Variants in TNK2 observed in about 807,000 individuals in gnomAD.
TNK2 encodes the protein activated CDC42 kinase 1.
TNK2 carries 83 observed loss-of-function variants against 101.8 expected under a neutral mutation model. The ratio of observed to expected loss-of-function variants is 0.82; its 90% CI spans 0.68 to 0.98. TNK2 has a LOEUF of 0.98. Ranked by LOEUF, TNK2 falls within the 50% of genes least tolerant of loss-of-function variation. The probability of loss-of-function intolerance (pLI) is 0.00; values close to 1 mark genes in which losing one functional copy is unlikely to be tolerated. For missense variants in TNK2, 1,665 were observed against 1,483.2 expected (o/e 1.12, Z -2.01); for synonymous variants, 804 against 633.0 (o/e 1.27, Z -4.06).
At position 195,888,489 on chromosome 3, in the gene TNK2, G is replaced by A. The variant is rs752593361; in HGVS notation, c.100C>T (p.Arg34Cys). Residue 34 changes from arginine to cysteine, a missense_variant, in exon 2 of 16, where the codon CGC becomes TGC. Transcript: ENST00000672887. This position sits in a 1 kb window ranked among gnomAD's most constrained non-coding sequence, Gnocchi z 5.3. ...TTGACGTACTCAAAGTGGGACAGGC[G>A]GGTGACGTTGAGGTCATCTCGGAGC... is the stretch of plus-strand genomic sequence containing the variant. Reference protein sequence around the residue: ...LRLRDDLNVTRLSHFEYVKNE... With the variant: ...LRLRDDLNVTCLSHFEYVKNE... 6 of 1,614,074 alleles carry A rather than the reference G, an allele frequency of 3.7e-6. No individual in the cohort carries two copies. Among genetic ancestry groups the A allele is most frequent in the South Asian group, 3.3e-5 (3 of 91,072 alleles).
intron 10 of TNK2, among the ~76,000 whole-genome samples, chr3:195,871,916 C>A (rs1300077690): frequency 6.6e-6 from 1 of 151,296 alleles, no homozygotes; most frequent in Non-Finnish European, 1.5e-5. Flanking sequence ...CCCCGGAGAA[C>A]CCTCCCCTGG....
rs755518184 is a variant in TNK2 at position 195,885,079 on chromosome 3, G to A, written c.235-46C>T. 2 of 1,525,486 alleles carry A rather than the reference G, an allele frequency of 1.3e-6. No individual in the cohort carries two copies. Among genetic ancestry groups the A allele is most frequent in the Middle Eastern group, 1.8e-4 (1 of 5,642 alleles). The allele number at this position is 1,525,486 out of a possible 1,614,324, so 94.5% of individuals were successfully genotyped here. A position where few individuals can be genotyped will look rare whatever the true frequency, so the allele number is the denominator to read the frequency against. ...GCCAGATGGAATCCAACACCCCAGG[G>A]TCAGTCACTCAGTCCCACCCCGCTG... On this transcript the variant is annotated intron_variant, in intron 3 of 15. Transcript: ENST00000672887. This position sits in a 1 kb window ranked among gnomAD's most constrained non-coding sequence, Gnocchi z 4.7.
Position 195,888,856 on chromosome 3 carries a change from G to T in TNK2, c.-18-250C>A, listed in dbSNP as rs1381398547. 6.6e-6 allele frequency among the ~76,000 whole-genome samples: 1 copy of T among 152,128 alleles called. No individual in the cohort carries two copies. The highest frequency in any genetic ancestry group is 1.5e-5 in the Non-Finnish European group (1 of 68,038). On this transcript the variant is annotated intron_variant, in intron 1 of 15. Coordinates refer to ENST00000672887, the MANE Select transcript of TNK2 (RefSeq NM_001382273.1). This position sits in a 1 kb window ranked among gnomAD's most constrained non-coding sequence, Gnocchi z 5.3. Reference sequence around the variant, plus strand: ...AGTCAGGAGTCAGGGTCTTGCTCCCGAAATGTGATCTGTGACTGAGTGACC... The same window carrying T: ...AGTCAGGAGTCAGGGTCTTGCTCCCTAAATGTGATCTGTGACTGAGTGACC...
At chr3:195,869,401 T>G (rs1576998929) in intron 12 of TNK2, 96 bp downstream of exon 12, 31 of 572,762 alleles carry the variant, frequency 5.4e-5, no homozygotes, top group East Asian at 9.9e-5. Flanking sequence ...CCACCTCCCC[T>G]CCGGCCCAGC....
Position 195,868,083 on chromosome 3 carries a change from A to G in TNK2, c.2215T>C (p.Ser739Pro), listed in dbSNP as rs1354098895. The change falls in exon 13 of 16, where the codon TCC (serine) becomes CCC (proline). Residue 739 changes from serine to proline, a missense_variant. Ser to Pro is a moderately conservative substitution (Grantham distance 74). Transcript: ENST00000672887. ...CCCGGGCTGGGAGAGGGGGCCGGGG[A>G]GCCGGCCGGAGCCTGCAGTTGCCTC... is the stretch of plus-strand genomic sequence containing the variant. ...CMRQLQAPAG[S>P]PAPSPSPGGD... 1 of 1,608,842 alleles carries G rather than the reference A, an allele frequency of 6.2e-7. No homozygotes were observed. The highest frequency in any genetic ancestry group is 8.5e-7 in the Non-Finnish European group (1 of 1,178,804).
intron 1 of TNK2, among the ~76,000 whole-genome samples, chr3:195,903,260 T>C (rs1350768355): frequency 3.5e-5 from 5 of 144,866 alleles, no homozygotes; most frequent in Non-Finnish European, 7.5e-5. Flanking sequence ...CAGGATGGTC[T>C]CAATCTCCTG....
chr3:195,901,997 C>A (rs900486441), intron 1 of TNK2, among the ~76,000 whole-genome samples: 3 of 152,222 alleles, frequency 2.0e-5, no homozygotes, highest in African/African-American at 7.2e-5. Context: ...CAGGAAAAAA[C>A]AGTAGATTCC....
In TNK2 at chr3:195,867,222, C is replaced by T; in HGVS notation, c.2980G>A (p.Ala994Thr). 6.2e-7 allele frequency: 1 copy of T among 1,613,038 alleles called. No individual in the cohort carries two copies. The change falls in exon 14 of 16, where the codon GCG (alanine) becomes ACG (threonine). Residue 994 changes from alanine to threonine, a missense_variant. By Grantham distance (58) the Ala-to-Thr change is moderately conservative. This residue lies in a region of TNK2 where 1,136 missense variants were observed against 894.9 expected (regional missense o/e 1.27). Transcript: ENST00000672887. ...VHGVTTEECQ[A>T]ALQCHGWSVQ... ...CTCCAGCCGTGGCACTGCAGGGCCGCCTGGCACTCCTCTGTGGTCACCCCA... is the reference window on the plus strand; with the variant it reads ...CTCCAGCCGTGGCACTGCAGGGCCGTCTGGCACTCCTCTGTGGTCACCCCA...
At chr3:195,869,709 G>A (rs1365826291) in intron 11 of TNK2, 168 bp from the exon 12 acceptor site, 8 of 708,938 alleles carry the variant, frequency 1.1e-5, no homozygotes, top group South Asian at 8.5e-5. Flanking sequence ...CAGGCGGCAG[G>A]ATGAGGAACA....
At chr3:195,868,770 G>A in intron 12 of TNK2, 61 bp from the exon 13 acceptor site, 23 of 1,473,772 alleles carry the variant, frequency 1.6e-5, no homozygotes, top group Non-Finnish European at 2.1e-5. Context: ...GACACGAGGG[G>A]AGGTGGCACG....
rs562028976 is a variant in TNK2, at chr3:195,901,290, G to A, written c.-19+7195C>T. ...GCTCATGGAGGCTCAGGATCTGGGG[G>A]AGGGCAAATGTTAGCGGAAGGGTGA... On this transcript the variant is annotated intron_variant, in intron 1 of 15. Coordinates refer to ENST00000672887, the MANE Select transcript of TNK2 (RefSeq NM_001382273.1). Among the ~76,000 whole-genome samples, 17 of 152,328 alleles carry A rather than the reference G, an allele frequency of 1.1e-4. No individual in the cohort carries two copies. The South Asian group carries it at 1.2e-3, about 11-fold the overall frequency.
At chr3:195,895,461 C>A in intron 1 of TNK2, 4 of 1,404,804 alleles carry the variant, frequency 2.8e-6, no homozygotes, top group Admixed American at 3.5e-5. Context: ...CCCCCATAGC[C>A]TCATCCGCCA....
At chr3:195,874,426 T>A (rs1747677437) in intron 9 of TNK2, among the ~76,000 whole-genome samples, 1 of 152,120 alleles carries the variant, frequency 6.6e-6, no homozygotes, top group Admixed American at 6.5e-5. Flanking sequence ...CTGACACCAC[T>A]CGAGAAAACA....
intron 1 of TNK2, among the ~76,000 whole-genome samples, chr3:195,907,515 A>T (rs1163612355): frequency 6.6e-6 from 1 of 152,176 alleles, no homozygotes; most frequent in South Asian, 2.1e-4. Context: ...ATCCCCACCC[A>T]GGGGCAGGGG....
rs202015088 is a variant in TNK2 at position 195,868,011 on chromosome 3, G to A, written c.2287C>T (p.Arg763Trp). The A allele has an allele frequency of 4.0e-4, 635 of 1,577,740 alleles. 4 individuals carry two copies. The highest frequency in any genetic ancestry group is 1.6e-3 in the East Asian group (72 of 43,908). Reference sequence around the variant, plus strand: ...AGCTGGACGTGTGGGCGCGTGGGCCGAGGGGGGATGGGTACCCGAGGAGGC... The same window carrying A: ...AGCTGGACGTGTGGGCGCGTGGGCCAAGGGGGGATGGGTACCCGAGGAGGC... ...QVPPRVPIPP[R>W]PTRPHVQLSP... The change falls in exon 13 of 16, where the codon CGG (arginine) becomes TGG (tryptophan). Residue 763 changes from arginine to tryptophan, a missense_variant. By Grantham distance (101) the Arg-to-Trp change is moderately radical. This residue lies in a region of TNK2 where 1,136 missense variants were observed against 894.9 expected (regional missense o/e 1.27). Coordinates refer to ENST00000672887, the MANE Select transcript of TNK2 (RefSeq NM_001382273.1).
At chr3:195,871,395 T>C (rs1224196790) in intron 10 of TNK2, among the ~76,000 whole-genome samples, 1 of 152,120 alleles carries the variant, frequency 6.6e-6, no homozygotes, top group Non-Finnish European at 1.5e-5. Context: ...AGTCCCACTC[T>C]GGTTCTGGAA....
chr3:195,872,698 G>T (rs1176217600), intron 9 of TNK2: 7 of 532,806 alleles, frequency 1.3e-5, no homozygotes, highest in Non-Finnish European at 1.6e-5. Flanking sequence ...GGGTCAGGCA[G>T]CTTTCCCTAT....
chr3:195,889,293 G>GAAGAAA (rs1757415644), intron 1 of TNK2, among the ~76,000 whole-genome samples: 2 of 152,164 alleles, frequency 1.3e-5, no homozygotes, highest in African/African-American at 4.8e-5. Context: ...AAGAAACTGT[G>GAAGAAA]GCCCAGTGTT....
intron 9 of TNK2, chr3:195,876,765 G>A (rs755240771): frequency 1.5e-5 from 6 of 395,880 alleles, no homozygotes; most frequent in East Asian, 7.2e-5. Flanking sequence ...GGCGGGGCGG[G>A]GCACACCCAC....
Sources: gnomAD v4.1 joint callset for allele counts (sites outside exome capture counted in the v4.1 genomes callset) on GRCh38, gnomAD v4.1.1 for gene constraint, gnomAD v4.1.1 regional missense constraint, Gnocchi (gnomAD v3.1) non-coding constraint, MANE v1.5 for transcripts, NCBI Gene and HGNC (gene_info 2026-07-23, HGNC 2026-07-21) for gene names.